The following GRAMD1B variants were observed in gnomAD, a reference collection of about 807,000 sequenced individuals.
GRAMD1B encodes GRAM domain containing 1B, also known as protein Aster-B.
GRAMD1B carries 37 observed loss-of-function variants against 99.7 expected under a neutral mutation model. That is an observed-to-expected ratio of 0.37 (90% CI 0.29 to 0.49). The LOEUF (loss-of-function observed/expected upper bound fraction) is 0.49. Among genes scored for constraint, GRAMD1B ranks in the 20% least tolerant of loss-of-function variants. The pLI is 0.98. For missense variants in GRAMD1B, 888 were observed against 1,009.2 expected, an observed-to-expected ratio of 0.88 and a Z score of 1.63; for synonymous variants, 427 against 387.6, an observed-to-expected ratio of 1.10 and a Z score of -1.19.
chr11:123,395,816 A>G (rs1292390576), intron 1 of GRAMD1B, among the ~76,000 whole-genome samples: 2 of 152,238 alleles, frequency 1.3e-5, no homozygotes, highest in Non-Finnish European at 2.9e-5. Context: ...GTTAGGTAAT[A>G]AAGAGACCTA....
chr11:123,533,801 A>G (rs190881396), intron 2 of GRAMD1B, among the ~76,000 whole-genome samples: 6 of 152,354 alleles, frequency 3.9e-5, no homozygotes, highest in Admixed American at 3.9e-4. Context: ...AGATTTTACA[A>G]GTGAATAAAC....
chr11:123,448,143 C>T (rs898945646), intron 1 of GRAMD1B, among the ~76,000 whole-genome samples: 1 of 152,156 alleles, frequency 6.6e-6, no homozygotes. Flanking sequence ...TATTGGGCTT[C>T]CAGGTGTGGT....
At chr11:123,440,469 A>G (rs2134259090) in intron 1 of GRAMD1B, among the ~76,000 whole-genome samples, 1 of 152,296 alleles carries the variant, frequency 6.6e-6, no homozygotes, top group Middle Eastern at 3.4e-3. Flanking sequence ...AGATAGCGCC[A>G]CTGCACTCCA....
At chr11:123,547,237 A>T (rs922055160) in intron 2 of GRAMD1B, among the ~76,000 whole-genome samples, 8 of 152,168 alleles carry the variant, frequency 5.3e-5, no homozygotes, top group African/African-American at 1.9e-4. Flanking sequence ...GAGGACCCCA[A>T]CTCTCAATCT....
intron 1 of GRAMD1B, among the ~76,000 whole-genome samples, chr11:123,381,080 A>G (rs755636689): frequency 6.6e-5 from 10 of 152,084 alleles, no homozygotes; most frequent in Admixed American, 5.2e-4. Context: ...GGTGAGATAC[A>G]CAAGCTTTGC....
At position 123,594,722 on chromosome 11, in the gene GRAMD1B, G is replaced by T. The variant is rs372289774; in HGVS notation, c.770-13G>T. Reference sequence around the variant, plus strand: ...CCTGCCTCTGAGCTCCCCTACCTCCGCTCCTACCACAGATTACTCATGTGC... The same window carrying T: ...CCTGCCTCTGAGCTCCCCTACCTCCTCTCCTACCACAGATTACTCATGTGC... On this transcript the variant is annotated splice_polypyrimidine_tract_variant and intron_variant, in intron 5 of 19. Coordinates refer to ENST00000635736, the MANE Select transcript of GRAMD1B (RefSeq NM_001387025.1). The T allele has an allele frequency of 2.3e-5, 32 of 1,411,648 alleles. No homozygotes were observed. In the South Asian group the frequency reaches 3.2e-4, roughly 14 times the overall value. 87.4% of individuals were successfully genotyped at this position (1,411,648 alleles called of 1,614,324 possible).
chr11:123,619,718 T>C (rs974758350), intron 19 of GRAMD1B: 8 of 167,674 alleles, frequency 4.8e-5, no homozygotes, highest in Non-Finnish European at 7.3e-5. Context: ...ACAGTTTGCC[T>C]GTATTCCCCC....
chr11:123,569,052 G>A (rs1021876802), intron 2 of GRAMD1B, among the ~76,000 whole-genome samples: 2 of 152,306 alleles, frequency 1.3e-5, no homozygotes, highest in African/African-American at 4.8e-5. Flanking sequence ...GGGCATCTGA[G>A]TCTGAGCTGT....
chr11:123,471,525 CAG>C (rs1259665562), intron 1 of GRAMD1B, among the ~76,000 whole-genome samples: 19 of 152,152 alleles, frequency 1.2e-4, no homozygotes, highest in African/African-American at 2.2e-4. Context: ...ACGCAAGAAA[CAG>C]GGGAGAGTAA....
intron 2 of GRAMD1B, among the ~76,000 whole-genome samples, chr11:123,503,552 CT>C (rs56215248): frequency 0.011 from 1,547 of 146,484 alleles, 20 homozygotes; most frequent in African/African-American, 0.036. Context: ...TAAATTTCAC[CT>C]TTTTTTTTTT....
chr11:123,518,409 C>G (rs768787546), intron 2 of GRAMD1B, among the ~76,000 whole-genome samples: 1 of 152,022 alleles, frequency 6.6e-6, no homozygotes, highest in Non-Finnish European at 1.5e-5. Context: ...GAAGGGATAT[C>G]GATGGCTGCT....
At chr11:123,621,855 G>GTCTTTCTTTCTTTCTTTCTTTTCTT (rs138445124) in intron 19 of GRAMD1B, among the ~76,000 whole-genome samples, 1 of 138,912 alleles carries the variant, frequency 7.2e-6, no homozygotes, top group African/African-American at 2.5e-5. Context: ...ATGCTAGATT[G>GTCTTTCTTTCTTTCTTTCTTTTCTT]TCTTTCTTTC....
chr11:123,557,144 A>T (rs1487640565), intron 2 of GRAMD1B, among the ~76,000 whole-genome samples: 1 of 152,224 alleles, frequency 6.6e-6, no homozygotes, highest in East Asian at 1.9e-4. Context: ...TATACTGTTG[A>T]TATAATTCAG....
chr11:123,449,435 T>C (rs1949780868), intron 1 of GRAMD1B, among the ~76,000 whole-genome samples: 2 of 152,222 alleles, frequency 1.3e-5, no homozygotes, highest in South Asian at 4.1e-4. Flanking sequence ...CAAGGAGTCC[T>C]CTTGAAGCTG....
At chr11:123,522,472 C>T (rs532457313) in intron 2 of GRAMD1B, among the ~76,000 whole-genome samples, 112 of 152,266 alleles carry the variant, frequency 7.4e-4, no homozygotes, top group Non-Finnish European at 1.4e-3. Context: ...GCGTGCCCTA[C>T]CACGCGTGGC....
chr11:123,579,611 T>G (rs1216869103), intron 3 of GRAMD1B, among the ~76,000 whole-genome samples: 2 of 152,064 alleles, frequency 1.3e-5, no homozygotes, highest in African/African-American at 4.8e-5. Context: ...GCCTCCCACC[T>G]CTGGCCTGGT....
intron 1 of GRAMD1B, among the ~76,000 whole-genome samples, chr11:123,474,135 C>T (rs368684346): frequency 6.6e-6 from 1 of 152,220 alleles, no homozygotes; most frequent in African/African-American, 2.4e-5. Flanking sequence ...ACTGAATACT[C>T]AGTGTAATAG....
chr11:123,588,712 C>T (rs902506663), intron 4 of GRAMD1B, among the ~76,000 whole-genome samples: 5 of 152,154 alleles, frequency 3.3e-5, no homozygotes, highest in African/African-American at 9.7e-5. Flanking sequence ...GGTACTGACA[C>T]GCCAAGCATA....
chr11:123,524,727 T>C (rs1415719653), intron 2 of GRAMD1B, among the ~76,000 whole-genome samples: 1 of 152,240 alleles, frequency 6.6e-6, no homozygotes, highest in Non-Finnish European at 1.5e-5. Context: ...GATTGTTTTA[T>C]GGGCAAATTT....
Sources: allele counts gnomAD v4.1 joint callset (sites outside exome capture counted in the v4.1 genomes callset), GRCh38; gene constraint gnomAD v4.1.1; transcripts MANE v1.5; gene names NCBI Gene and HGNC (gene_info 2026-07-23, HGNC 2026-07-21).